KRCC1: variants seen among roughly 807,000 people sequenced by gnomAD.
The protein encoded by KRCC1 is lysine rich coiled-coil 1.
A neutral mutation model predicts 7.4 loss-of-function variants in KRCC1; 3 were observed. That is an observed-to-expected ratio of 0.40 (90% CI 0.18 to 1.04). The LOEUF is 1.04. Among genes scored for constraint, KRCC1 ranks in the 50% least tolerant of loss-of-function variants. KRCC1 has a pLI of 0.33. For missense variants in KRCC1, 277 were observed against 300.9 expected (o/e 0.92, Z 0.59); for synonymous variants, 102 against 101.6 (o/e 1.00, Z -0.02).
intron 1 of KRCC1, among the ~76,000 whole-genome samples, 162 bp from the exon 2 acceptor site, chr2:88,037,213 A>G (rs188170170): frequency 7.2e-5 from 11 of 152,346 alleles, no homozygotes; most frequent in Non-Finnish European, 1.5e-4. Context: ...AACAATTTTA[A>G]TATGAAAATA....
At chr2:88,048,146 G>C (rs1319044554) in intron 1 of KRCC1, among the ~76,000 whole-genome samples, 2 of 150,838 alleles carry the variant, frequency 1.3e-5, no homozygotes, top group Non-Finnish European at 3.0e-5. Flanking sequence ...GCAGTGGTGG[G>C]ATCTCGGCTC....
intron 1 of KRCC1, among the ~76,000 whole-genome samples, chr2:88,049,696 C>T (rs1182827790): frequency 6.6e-6 from 1 of 152,160 alleles, no homozygotes; most frequent in Non-Finnish European, 1.5e-5. Flanking sequence ...CACTTCTGTC[C>T]TAACATATGT....
intron 1 of KRCC1, among the ~76,000 whole-genome samples, chr2:88,041,580 T>C (rs912104384): frequency 1.3e-5 from 2 of 152,208 alleles, no homozygotes; most frequent in African/African-American, 4.8e-5. Context: ...GTTGGGTCCC[T>C]GAACTAATTG....
intron 1 of KRCC1, among the ~76,000 whole-genome samples, chr2:88,039,953 C>T (rs936547009): frequency 1.9e-4 from 29 of 151,658 alleles, no homozygotes; most frequent in African/African-American, 6.8e-4. Flanking sequence ...TTGCTTGAGA[C>T]CAGGAGTTTG....
intron 1 of KRCC1, among the ~76,000 whole-genome samples, chr2:88,038,721 G>T (rs906362793): frequency 2.6e-5 from 4 of 152,170 alleles, no homozygotes; most frequent in African/African-American, 9.7e-5. Context: ...GGGAAGCAAG[G>T]CACTTTCCTT....
At chr2:88,045,264 C>G (rs932942308) in intron 1 of KRCC1, among the ~76,000 whole-genome samples, 7 of 152,138 alleles carry the variant, frequency 4.6e-5, no homozygotes, top group African/African-American at 1.7e-4. Flanking sequence ...CATATCCATG[C>G]AGATTTGTCT....
At chr2:88,034,746 T>C (rs11127081) in intron 2 of KRCC1, among the ~76,000 whole-genome samples, 30,545 of 152,090 alleles carry the variant, frequency 0.2, 3,513 homozygotes, top group Admixed American at 0.25. Context: ...CCAGAACTTA[T>C]TCCTCCTATC....
intron 1 of KRCC1, among the ~76,000 whole-genome samples, chr2:88,052,153 T>C (rs1170040000): frequency 6.6e-6 from 1 of 152,256 alleles, no homozygotes; most frequent in African/African-American, 2.4e-5. Flanking sequence ...CAACTGCCCA[T>C]AATCTATTCC....
At chr2:88,051,444 A>G (rs1360129803) in intron 1 of KRCC1, among the ~76,000 whole-genome samples, 1 of 152,228 alleles carries the variant, frequency 6.6e-6, no homozygotes, top group African/African-American at 2.4e-5. Flanking sequence ...CAAAGTCTTA[A>G]AAAAATTCTA....
Position 88,029,833 on chromosome 2 carries a change from T to TA in KRCC1, c.-22-1249dup, listed in dbSNP as rs11431505. ...ATGAAATTATAATATTATATATATA[T>TA]AAAAAAATATATATATATATATTTT... On this transcript the variant is annotated intron_variant, in intron 3 of 3. Coordinates refer to ENST00000347055, the MANE Select transcript of KRCC1 (RefSeq NM_016618.3). Among the ~76,000 whole-genome samples, 643 of 133,216 alleles carry TA rather than the reference T, an allele frequency of 4.8e-3. 12 individuals carry two copies. In the East Asian group the frequency reaches 0.078, roughly 16 times the overall value. 87.4% of individuals were successfully genotyped at this position (133,216 alleles called of 152,430 possible). A position where few individuals can be genotyped will look rare whatever the true frequency, so the allele number is the denominator to read the frequency against.
At chr2:88,052,731 TTCATGAA>T (rs1673521325) in intron 1 of KRCC1, among the ~76,000 whole-genome samples, 1 of 152,226 alleles carries the variant, frequency 6.6e-6, no homozygotes, top group Admixed American at 6.5e-5. Context: ...GATCTACTTC[TTCATGAA>T]TACAGTTCAT....
At chr2:88,037,134 AT>A (rs1673107226) in intron 1 of KRCC1, 83 bp from the exon 2 acceptor site, 1 of 152,232 alleles carries the variant, frequency 6.6e-6, no homozygotes, top group Non-Finnish European at 1.5e-5. Flanking sequence ...TATATTTCAT[AT>A]ACCATCTCAA....
intron 1 of KRCC1, among the ~76,000 whole-genome samples, chr2:88,038,211 G>A (rs539531863): frequency 9.2e-5 from 14 of 152,344 alleles, no homozygotes; most frequent in African/African-American, 3.4e-4. Flanking sequence ...AGGAATTAAT[G>A]CATTTGGCCT....
At chr2:88,030,431 T>G (rs537567662) in intron 3 of KRCC1, among the ~76,000 whole-genome samples, 2 of 151,892 alleles carry the variant, frequency 1.3e-5, no homozygotes, top group Non-Finnish European at 2.9e-5. Flanking sequence ...AGTATACAAA[T>G]TCTGACTAGA....
chr2:88,046,183 T>C (rs1673329944), intron 1 of KRCC1, among the ~76,000 whole-genome samples: 1 of 152,228 alleles, frequency 6.6e-6, no homozygotes, highest in African/African-American at 2.4e-5. Flanking sequence ...GTGACTGTAA[T>C]ACTGTTACTT....
At chr2:88,053,816 A>T (rs982956607) in intron 1 of KRCC1, among the ~76,000 whole-genome samples, 2 of 152,214 alleles carry the variant, frequency 1.3e-5, no homozygotes, top group Admixed American at 1.3e-4. Flanking sequence ...TAAAGAAGAA[A>T]TCAGTATTTT....
chr2:88,030,916 G>A (rs1481517258), intron 3 of KRCC1, among the ~76,000 whole-genome samples: 1 of 152,154 alleles, frequency 6.6e-6, no homozygotes, highest in Non-Finnish European at 1.5e-5. Flanking sequence ...TCACAGTAAT[G>A]TGAATAATGC....
chr2:88,050,572 A>C (rs1174846520), intron 1 of KRCC1, among the ~76,000 whole-genome samples: 1 of 152,220 alleles, frequency 6.6e-6, no homozygotes, highest in Non-Finnish European at 1.5e-5. Context: ...GCAGTGAGCC[A>C]AGATTGTACC....
At chr2:88,051,434 CAA>C (rs1313496710) in intron 1 of KRCC1, among the ~76,000 whole-genome samples, 6 of 152,142 alleles carry the variant, frequency 3.9e-5, no homozygotes, top group African/African-American at 1.2e-4. Context: ...AATCTGCTAA[CAA>C]AGTCTTAAAA....
Sources: allele counts gnomAD v4.1 joint callset (sites outside exome capture counted in the v4.1 genomes callset), GRCh38; gene constraint gnomAD v4.1.1; transcripts MANE v1.5; gene names NCBI Gene and HGNC (gene_info 2026-07-23, HGNC 2026-07-21).